The following IGFL2 variants were observed in gnomAD, a reference collection of about 807,000 sequenced individuals.
The protein encoded by IGFL2 is insulin growth factor-like family member 2.
In IGFL2, 7 loss-of-function variants were observed where a neutral mutation model predicts 13.9. The observed-to-expected ratio is 0.51, with a 90% CI of 0.29 to 0.95. The LOEUF (loss-of-function observed/expected upper bound fraction) is 0.95, where lower values mean the gene tolerates loss of function less well. Among genes scored for constraint, IGFL2 ranks in the 40% least tolerant of loss-of-function variants. The pLI, the probability that IGFL2 is intolerant of heterozygous loss-of-function variation, is 0.08. For missense variants in IGFL2, 138 were observed against 147.8 expected, an observed-to-expected ratio of 0.93 and a Z score of 0.34; for synonymous variants, 55 against 55.8, an observed-to-expected ratio of 0.99 and a Z score of 0.07.
chr19:46,087,765 T>C, the IGFL2 span, among the ~76,000 whole-genome samples: 5 of 152,158 alleles, frequency 3.3e-5, no homozygotes, highest in Non-Finnish European at 7.4e-5. Flanking sequence ...TGGGAAAGGG[T>C]TGCTGTCATC....
At chr19:46,194,514 G>GA in the IGFL2 span, among the ~76,000 whole-genome samples, 2 of 152,006 alleles carry the variant, frequency 1.3e-5, no homozygotes, top group African/African-American at 4.8e-5. Context: ...CTTCACCAGG[G>GA]ACAATGCAAG....
rs749348145 is a variant in IGFL2, at chr19:46,160,476, C to A, written c.73+8C>A. On this transcript the variant is annotated splice_region_variant and intron_variant, in intron 2 of 3. Coordinates refer to ENST00000377693, the MANE Select transcript of IGFL2 (RefSeq NM_001135113.2). ...GTCCAAGGGAAGTCATCGGTGAGTACAAGGATGGGCAAGAGTGAAGAGGAA... is the reference window on the plus strand; with the variant it reads ...GTCCAAGGGAAGTCATCGGTGAGTAAAAGGATGGGCAAGAGTGAAGAGGAA... The A allele has an allele frequency of 3.1e-6, 5 of 1,613,522 alleles. No homozygotes were observed. Among genetic ancestry groups the A allele is most frequent in the Admixed American group, 1.7e-5 (1 of 59,984 alleles).
At chr19:46,158,040 G>T (rs1468833059) in intron 1 of IGFL2, among the ~76,000 whole-genome samples, 1 of 152,060 alleles carries the variant, frequency 6.6e-6, no homozygotes, top group Non-Finnish European at 1.5e-5. Context: ...ACCTGCAATT[G>T]TTCAAAAATG....
chr19:46,203,498 A>G, the IGFL2 span: 1 of 152,284 alleles, frequency 6.6e-6, no homozygotes, highest in Non-Finnish European at 1.5e-5. Context: ...GCTGTAGAGC[A>G]TTTAAGCAGG....
the IGFL2 span, among the ~76,000 whole-genome samples, chr19:46,191,539 C>T: frequency 1.3e-5 from 2 of 152,126 alleles, no homozygotes; most frequent in Non-Finnish European, 2.9e-5. Context: ...GCTCTGAGCT[C>T]TGAGGTGTGT....
At chr19:46,081,886 C>T in the IGFL2 span, among the ~76,000 whole-genome samples, 2 of 152,202 alleles carry the variant, frequency 1.3e-5, no homozygotes, top group African/African-American at 2.4e-5. Flanking sequence ...TCTTGTGCTA[C>T]CTGTTGTCTG....
upstream of IGFL2, chr19:46,147,933 A>G (rs1001671995): frequency 3.0e-5 from 8 of 270,892 alleles, no homozygotes; most frequent in Admixed American, 5.3e-5. Context: ...GCTCTCAGAT[A>G]AGTGAGAGCC....
chr19:46,166,173 G>A (rs143742150), downstream of IGFL2, among the ~76,000 whole-genome samples: 1 of 152,294 alleles, frequency 6.6e-6, no homozygotes, highest in Non-Finnish European at 1.5e-5. Context: ...CCTATCGGGG[G>A]ACCTGCCCCG....
At chr19:46,182,022 C>T in the IGFL2 span, among the ~76,000 whole-genome samples, 1 of 152,196 alleles carries the variant, frequency 6.6e-6, no homozygotes, top group Non-Finnish European at 1.5e-5. Context: ...CTTTTGTGTG[C>T]ATAAAAATAT....
At chr19:46,210,534 G>A in the IGFL2 span, among the ~76,000 whole-genome samples, 1 of 152,172 alleles carries the variant, frequency 6.6e-6, no homozygotes, top group Admixed American at 6.5e-5. Flanking sequence ...TCTGCAAGCT[G>A]AGGAGCAAGG....
the IGFL2 span, chr19:46,203,077 A>T: frequency 1.3e-5 from 2 of 152,196 alleles, no homozygotes; most frequent in African/African-American, 4.8e-5. Flanking sequence ...CTGAAAAGAG[A>T]GTCAGCAAAG....
the IGFL2 span, among the ~76,000 whole-genome samples, chr19:46,129,174 T>C: frequency 2.6e-5 from 4 of 152,208 alleles, no homozygotes; most frequent in South Asian, 2.1e-4. Flanking sequence ...TTCTGTGGGG[T>C]TAGTGATAAT....
At chr19:46,188,906 G>A in the IGFL2 span, among the ~76,000 whole-genome samples, 679 of 152,340 alleles carry the variant, frequency 4.5e-3, 3 homozygotes, top group African/African-American at 0.014. Flanking sequence ...AGGCAACTGC[G>A]AAGTCTTCCA....
At chr19:46,133,618 C>T in the IGFL2 span, among the ~76,000 whole-genome samples, 79,336 of 152,130 alleles carry the variant, frequency 0.52, 21,285 homozygotes, top group Middle Eastern at 0.61. Flanking sequence ...GGCTAAAATG[C>T]GGTAGCTAAG....
chr19:46,195,616 C>T, the IGFL2 span, among the ~76,000 whole-genome samples: 1 of 152,226 alleles, frequency 6.6e-6, no homozygotes, highest in East Asian at 1.9e-4. Context: ...ATTTTCTGGA[C>T]AGGAGTAAAA....
intron 1 of IGFL2, among the ~76,000 whole-genome samples, chr19:46,149,865 C>T (rs967754637): frequency 4.6e-5 from 7 of 152,136 alleles, no homozygotes; most frequent in African/African-American, 7.2e-5. Flanking sequence ...TGCTTGAGAA[C>T]CTGTTTTCAG....
the IGFL2 span, among the ~76,000 whole-genome samples, chr19:46,214,993 C>A: frequency 6.6e-6 from 1 of 152,136 alleles, no homozygotes; most frequent in South Asian, 2.1e-4. Context: ...TGACTGTGAT[C>A]TTGCTGTGAT....
chr19:46,195,743 C>G, the IGFL2 span: 1 of 152,226 alleles, frequency 6.6e-6, no homozygotes, highest in Non-Finnish European at 1.5e-5. Context: ...CTCCTGAATC[C>G]TCGGCTCCCG....
At chr19:46,099,919 T>C in the IGFL2 span, among the ~76,000 whole-genome samples, 1 of 152,176 alleles carries the variant, frequency 6.6e-6, no homozygotes, top group South Asian at 2.1e-4. Context: ...ATCCTTCTGC[T>C]TGATACCTGT....
Sources: gnomAD v4.1 joint callset for allele counts (sites outside exome capture counted in the v4.1 genomes callset) on GRCh38, gnomAD v4.1.1 for gene constraint, MANE v1.5 for transcripts, NCBI Gene and HGNC (gene_info 2026-07-23, HGNC 2026-07-21) for gene names.